The following UBAP1 variants were observed in gnomAD, a reference collection of about 807,000 sequenced individuals.
UBAP1 encodes ubiquitin associated protein 1.
UBAP1 carries 5 observed loss-of-function variants against 39.0 expected under a neutral mutation model. That is an observed-to-expected ratio of 0.13 (90% CI 0.07 to 0.27). The LOEUF is 0.27. Among genes scored for constraint, UBAP1 ranks in the 10% least tolerant of loss-of-function variants. The pLI, the probability that UBAP1 is intolerant of heterozygous loss-of-function variation, is 1.00. For synonymous variants in UBAP1, 211 were observed against 225.1 expected (o/e 0.94, Z 0.56); for missense variants, 490 against 608.1 (o/e 0.81, Z 2.04).
At chr9:34,222,807 A>G (rs1832832850) in intron 2 of UBAP1, among the ~76,000 whole-genome samples, 1 of 152,066 alleles carries the variant, frequency 6.6e-6, no homozygotes. Context: ...ACAAACAAAC[A>G]AAAAATGATT....
intron 1 of UBAP1, among the ~76,000 whole-genome samples, chr9:34,182,659 CTTTCTT>C (rs1371685452): frequency 7.2e-5 from 4 of 55,206 alleles, no homozygotes; most frequent in African/African-American, 1.7e-4. Flanking sequence ...TTCTTTCTTT[CTTTCTT>C]TCTTTCTTTC....
rs553917728 is a variant in UBAP1, at chr9:34,251,667, C to T, written c.*135C>T. Reference sequence around the variant, plus strand: ...TAGAAGGTCAGGTGTGGAGACTGCTCGCCAGTCTCTGTGAGCCTAGGCCCT... The same window carrying T: ...TAGAAGGTCAGGTGTGGAGACTGCTTGCCAGTCTCTGTGAGCCTAGGCCCT... On this transcript the variant is annotated 3_prime_UTR_variant, in exon 7 of 7. Transcript: ENST00000297661. 6.7e-4 allele frequency: 663 copies of T among 988,560 alleles called. No homozygotes were observed. The highest frequency in any genetic ancestry group is 6.6e-3 in the African/African-American group (401 of 61,162). The allele number at this position is 988,560 out of a possible 1,614,324, so 61.2% of individuals were successfully genotyped here. A position where few individuals can be genotyped will look rare whatever the true frequency, so the allele number is the denominator to read the frequency against.
chr9:34,223,986 A>C, intron 2 of UBAP1: 1 of 427,492 alleles, frequency 2.3e-6, no homozygotes, highest in Non-Finnish European at 4.3e-6. Context: ...ACGAGGATTT[A>C]TTTGCCTTTC....
At chr9:34,199,464 A>G (rs1454259093) in intron 1 of UBAP1, among the ~76,000 whole-genome samples, 1 of 152,148 alleles carries the variant, frequency 6.6e-6, no homozygotes, top group African/African-American at 2.4e-5. Flanking sequence ...GATAGTACAG[A>G]GAGTACAGAG....
chr9:34,239,096 GT>G (rs1833837562), intron 3 of UBAP1, among the ~76,000 whole-genome samples: 1 of 152,236 alleles, frequency 6.6e-6, no homozygotes, highest in African/African-American at 2.4e-5. Flanking sequence ...CCAGGCTGGA[GT>G]GCAGTGGCGC....
At position 34,242,128 on chromosome 9, in the gene UBAP1, C is replaced by T. The variant is rs375001321; in HGVS notation, c.1083+20C>T. 3.5e-5 allele frequency: 54 copies of T among 1,550,432 alleles called. No homozygotes were observed. Among genetic ancestry groups the T allele is most frequent in the East Asian group, 2.5e-4 (11 of 44,038 alleles). On this transcript the variant is annotated intron_variant, in intron 4 of 6. Transcript: ENST00000297661. ...CCCACGGTAAGTCTTTTAAATCCCC[C>T]GCCGACTCCCATATTTTCCTGATGA...
chr9:34,231,157 G>GTGTGTGTA (rs1325364299), intron 2 of UBAP1, among the ~76,000 whole-genome samples: 1 of 151,242 alleles, frequency 6.6e-6, no homozygotes, highest in Non-Finnish European at 1.5e-5. Context: ...GTGTGTGTGT[G>GTGTGTGTA]TGTGTGTGTG....
chr9:34,205,820 C>T (rs957797887), intron 1 of UBAP1, among the ~76,000 whole-genome samples: 6 of 152,174 alleles, frequency 3.9e-5, no homozygotes, highest in Admixed American at 2.0e-4. Context: ...GGTGAAACCC[C>T]GTCTCTACTA....
chr9:34,223,959 A>G (rs900069713), intron 2 of UBAP1: 5 of 368,978 alleles, frequency 1.4e-5, no homozygotes. Flanking sequence ...CACCTTCATT[A>G]CATGGGTGAA....
At chr9:34,187,823 C>CT (rs201128030) in intron 1 of UBAP1, among the ~76,000 whole-genome samples, 3 of 144,650 alleles carry the variant, frequency 2.1e-5, no homozygotes, top group South Asian at 2.2e-4. Context: ...ATGTTTTTTG[C>CT]TTTTTTTAAA....
chr9:34,210,506 G>A (rs143306818), intron 1 of UBAP1, among the ~76,000 whole-genome samples: 1 of 152,146 alleles, frequency 6.6e-6, no homozygotes. Context: ...ATCACCTGAG[G>A]TCAGGAGTTT....
chr9:34,182,623 CTTTCTTTCTTTCT>C (rs1830113671), intron 1 of UBAP1, among the ~76,000 whole-genome samples: 1 of 34,960 alleles, frequency 2.9e-5, no homozygotes, highest in African/African-American at 9.9e-5. Context: ...TTCCTTCTTT[CTTTCTTTCTTTCT>C]TTCTTTCTTT....
chr9:34,228,557 GCTTT>G (rs904311361), intron 2 of UBAP1, among the ~76,000 whole-genome samples: 51 of 146,060 alleles, frequency 3.5e-4, no homozygotes, highest in South Asian at 6.5e-4. Flanking sequence ...TACAAATACT[GCTTT>G]CTTTGTTTCC....
intron 1 of UBAP1, among the ~76,000 whole-genome samples, chr9:34,185,286 G>A (rs993259263): frequency 2.6e-5 from 4 of 152,156 alleles, no homozygotes; most frequent in African/African-American, 9.6e-5. Flanking sequence ...AGTGGCTCAT[G>A]CCTGTAGTCC....
chr9:34,211,963 G>T (rs1353345664), intron 1 of UBAP1: 6 of 418,914 alleles, frequency 1.4e-5, no homozygotes, highest in Admixed American at 1.1e-4. Flanking sequence ...TAAGTTGTTG[G>T]TTTTGGGATT....
chr9:34,211,403 G>A (rs551116337), intron 1 of UBAP1, among the ~76,000 whole-genome samples: 39 of 152,178 alleles, frequency 2.6e-4, no homozygotes, highest in African/African-American at 8.7e-4. Flanking sequence ...CCATCTTTTT[G>A]TGTAAATTAG....
At chr9:34,218,103 T>C (rs1170368047) in intron 1 of UBAP1, among the ~76,000 whole-genome samples, 1 of 150,518 alleles carries the variant, frequency 6.6e-6, no homozygotes, top group Non-Finnish European at 1.5e-5. Flanking sequence ...ATACAAAAAA[T>C]TAGCCAGGCG....
chr9:34,232,502 C>T (rs935432124), intron 2 of UBAP1, among the ~76,000 whole-genome samples: 7 of 152,016 alleles, frequency 4.6e-5, no homozygotes, highest in Admixed American at 1.3e-4. Flanking sequence ...GCTAAGTGAG[C>T]GATAGTTCAA....
At chr9:34,190,660 G>A (rs1198487530) in intron 1 of UBAP1, among the ~76,000 whole-genome samples, 1 of 146,558 alleles carries the variant, frequency 6.8e-6, no homozygotes, top group Admixed American at 6.8e-5. Context: ...TGGAGACAGG[G>A]TCTCGCTCTG....
Sources: allele counts gnomAD v4.1 joint callset (sites outside exome capture counted in the v4.1 genomes callset), GRCh38; gene constraint gnomAD v4.1.1; transcripts MANE v1.5; gene names NCBI Gene and HGNC (gene_info 2026-07-23, HGNC 2026-07-21).